The following RANBP2 variants were observed in gnomAD, a reference collection of about 807,000 sequenced individuals.
The protein encoded by RANBP2 is E3 SUMO-protein ligase RanBP2.
In RANBP2, 57 loss-of-function variants were observed where a neutral mutation model predicts 303.6. The ratio of observed to expected loss-of-function variants is 0.19; its 90% CI spans 0.15 to 0.23. The LOEUF (loss-of-function observed/expected upper bound fraction) is 0.23, where lower values mean the gene tolerates loss of function less well. Ranked by LOEUF, RANBP2 falls within the 10% of genes least tolerant of loss-of-function variation. The pLI, the probability that RANBP2 is intolerant of heterozygous loss-of-function variation, is 1.00. For synonymous variants in RANBP2, 1,167 were observed against 1,301.5 expected, an observed-to-expected ratio of 0.90 and a Z score of 2.23; for missense variants, 3,138 against 3,780.8, an observed-to-expected ratio of 0.83 and a Z score of 4.46.
chr2:109,064,490 T>C, the RANBP2 span, among the ~76,000 whole-genome samples: 1 of 136,458 alleles, frequency 7.3e-6, no homozygotes, highest in East Asian at 2.2e-4. Flanking sequence ...AACTGGTAAA[T>C]GGCAGAGCTT....
At chr2:109,234,560 G>A in the RANBP2 span, among the ~76,000 whole-genome samples, 1 of 152,246 alleles carries the variant, frequency 6.6e-6, no homozygotes, top group African/African-American at 2.4e-5. Context: ...CTGTTGTGCT[G>A]CAGTAACAGG....
the RANBP2 span, among the ~76,000 whole-genome samples, chr2:109,359,215 G>C: frequency 6.6e-6 from 1 of 152,066 alleles, no homozygotes; most frequent in Non-Finnish European, 1.5e-5. Context: ...TGTAGTGTTG[G>C]CCCTTGTTCT....
the RANBP2 span, among the ~76,000 whole-genome samples, chr2:109,121,036 G>A: frequency 6.6e-6 from 1 of 152,270 alleles, no homozygotes; most frequent in South Asian, 2.1e-4. Context: ...CACAAGGTCA[G>A]GAGATCGAGA....
At chr2:109,129,029 G>A in the RANBP2 span, 2 of 414,550 alleles carry the variant, frequency 4.8e-6, no homozygotes, top group Non-Finnish European at 9.6e-6. Flanking sequence ...TGAATCCTCT[G>A]GAGGACAGCG....
chr2:109,073,486 G>T, the RANBP2 span, among the ~76,000 whole-genome samples: 1 of 151,916 alleles, frequency 6.6e-6, no homozygotes, highest in Non-Finnish European at 1.5e-5. Context: ...GGCTAACATG[G>T]TGAAACCCCA....
the RANBP2 span, among the ~76,000 whole-genome samples, chr2:109,492,266 A>G: frequency 6.6e-6 from 1 of 152,156 alleles, no homozygotes; most frequent in African/African-American, 2.4e-5. Context: ...CACAGCTCTA[A>G]GACTACACAA....
At chr2:108,892,913 T>C in the RANBP2 span, among the ~76,000 whole-genome samples, 2 of 152,234 alleles carry the variant, frequency 1.3e-5, no homozygotes. Flanking sequence ...TACACACTGT[T>C]TTTGTTCTAA....
At chr2:108,994,680 C>G in the RANBP2 span, among the ~76,000 whole-genome samples, 2 of 151,396 alleles carry the variant, frequency 1.3e-5, no homozygotes, top group African/African-American at 4.9e-5. Flanking sequence ...ATCATGGCTC[C>G]GGGGAAAGGG....
the RANBP2 span, among the ~76,000 whole-genome samples, chr2:109,125,500 T>C: frequency 1.3e-5 from 2 of 152,184 alleles, no homozygotes; most frequent in Non-Finnish European, 2.9e-5. Context: ...CCTTACCACA[T>C]CGTCATTAAT....
At chr2:109,434,267 C>T in the RANBP2 span, among the ~76,000 whole-genome samples, 16 of 152,254 alleles carry the variant, frequency 1.1e-4, no homozygotes, top group Admixed American at 6.5e-4. Context: ...CTCTGTCACA[C>T]GCCCTACTGT....
At chr2:109,275,998 T>G in the RANBP2 span, among the ~76,000 whole-genome samples, 1 of 152,092 alleles carries the variant, frequency 6.6e-6, no homozygotes, top group Non-Finnish European at 1.5e-5. Flanking sequence ...CATGCCCCCA[T>G]TTGGTCTCCA....
At chr2:109,043,405 C>T in the RANBP2 span, among the ~76,000 whole-genome samples, 3 of 152,042 alleles carry the variant, frequency 2.0e-5, no homozygotes, top group South Asian at 2.1e-4. Flanking sequence ...TGCAGTGGCG[C>T]CATCTCAGCT....
chr2:109,518,356 T>A, the RANBP2 span, among the ~76,000 whole-genome samples: 3 of 152,182 alleles, frequency 2.0e-5, no homozygotes, highest in Non-Finnish European at 4.4e-5. Context: ...ACAAGCACCC[T>A]ATGAGGACTC....
the RANBP2 span, among the ~76,000 whole-genome samples, chr2:109,135,070 A>T: frequency 6.6e-6 from 1 of 152,184 alleles, no homozygotes; most frequent in East Asian, 1.9e-4. Context: ...CCTACCCAGT[A>T]GGTCTCAAAT....
the RANBP2 span, among the ~76,000 whole-genome samples, chr2:109,376,230 G>A: frequency 0.057 from 8,687 of 152,366 alleles, 388 homozygotes; most frequent in Non-Finnish European, 0.078. Flanking sequence ...TTTGAAGGCA[G>A]GGCAGTTTCC....
the RANBP2 span, among the ~76,000 whole-genome samples, chr2:109,687,414 G>C: frequency 1.3e-5 from 2 of 152,084 alleles, no homozygotes; most frequent in African/African-American, 2.4e-5. Flanking sequence ...CCCATCCCTA[G>C]AACCAGCTCC....
chr2:109,724,304 G>C, the RANBP2 span, among the ~76,000 whole-genome samples: 1 of 152,162 alleles, frequency 6.6e-6, no homozygotes, highest in African/African-American at 2.4e-5. Flanking sequence ...ATTCTGTGAA[G>C]AATGTCAATG....
the RANBP2 span, among the ~76,000 whole-genome samples, chr2:108,859,758 A>G: frequency 1.3e-5 from 2 of 150,714 alleles, no homozygotes; most frequent in African/African-American, 4.9e-5. Context: ...TGTTCTTTTT[A>G]CTTAAGTTTG....
the RANBP2 span, chr2:109,129,279 G>A: frequency 1.5e-6 from 1 of 645,782 alleles, no homozygotes; most frequent in Non-Finnish European, 2.7e-6. Context: ...CGGGACAGGT[G>A]TAGCCCGCAG....
Sources: gnomAD v4.1 joint callset for allele counts (sites outside exome capture counted in the v4.1 genomes callset) on GRCh38, gnomAD v4.1.1 for gene constraint, MANE v1.5 for transcripts, NCBI Gene and HGNC (gene_info 2026-07-23, HGNC 2026-07-21) for gene names.